PALM2AKAP2: variants seen among roughly 807,000 people sequenced by gnomAD.
The protein encoded by PALM2AKAP2 is PALM2 and AKAP2 fusion.
Under a neutral mutation model 71.5 loss-of-function variants are expected in PALM2AKAP2, and 37 were observed. That is an observed-to-expected ratio of 0.52 (90% CI 0.40 to 0.68). The LOEUF (loss-of-function observed/expected upper bound fraction) is 0.68, where lower values mean the gene tolerates loss of function less well. Among genes scored for constraint, PALM2AKAP2 ranks in the 30% least tolerant of loss-of-function variants. The pLI is 0.00. For synonymous variants in PALM2AKAP2, 468 were observed against 478.8 expected, an observed-to-expected ratio of 0.98 and a Z score of 0.29; for missense variants, 1,224 against 1,191.8, an observed-to-expected ratio of 1.03 and a Z score of -0.40.
At chr9:109,789,937 A>T (rs1291948340) in intron 1 of PALM2AKAP2, among the ~76,000 whole-genome samples, 1 of 152,232 alleles carries the variant, frequency 6.6e-6, no homozygotes, top group African/African-American at 2.4e-5. Context: ...AGACAAGACT[A>T]CACCCTATTT....
rs149001768 is a variant in PALM2AKAP2, at chr9:110,110,774, C to T, written c.157-25353C>T. Among the ~76,000 whole-genome samples, 228 of 151,856 alleles carry T rather than the reference C, an allele frequency of 1.5e-3. 2 individuals are homozygous for T. Among genetic ancestry groups the T allele is most frequent in the Middle Eastern group, 0.014 (4 of 294 alleles). ...GTTGGCAAGGCTAGTCTCAAACTCCCGCCCTCAAATGATCCACCTGCCCCA... is the reference window on the plus strand; with the variant it reads ...GTTGGCAAGGCTAGTCTCAAACTCCTGCCCTCAAATGATCCACCTGCCCCA... On this transcript the variant is annotated intron_variant, in intron 1 of 3. Coordinates refer to ENST00000374525, the Ensembl canonical transcript of PALM2AKAP2.
intron 1 of PALM2AKAP2, among the ~76,000 whole-genome samples, chr9:110,135,330 C>CA (rs1835837407): frequency 5.4e-5 from 3 of 55,258 alleles, no homozygotes; most frequent in Non-Finnish European, 7.3e-5. Flanking sequence ...AAAAAGCCCT[C>CA]AAGACAAAAA....
At chr9:109,920,569 G>A (rs908386441) in intron 3 of PALM2AKAP2, among the ~76,000 whole-genome samples, 10 of 151,850 alleles carry the variant, frequency 6.6e-5, no homozygotes, top group Admixed American at 3.3e-4. Flanking sequence ...TAGTAGAGAC[G>A]GGCTTTCACC....
chr9:109,784,302 T>G (rs1826904592), intron 1 of PALM2AKAP2, among the ~76,000 whole-genome samples: 9 of 152,110 alleles, frequency 5.9e-5, no homozygotes, highest in Admixed American at 5.9e-4. Context: ...TATCCAGGAG[T>G]ACTATGAAAA....
intron 1 of PALM2AKAP2, among the ~76,000 whole-genome samples, chr9:110,092,305 C>G (rs1834732750): frequency 1.3e-5 from 2 of 152,090 alleles, no homozygotes; most frequent in African/African-American, 4.8e-5. Context: ...GCATTCCAGT[C>G]TGAGTGACAG....
intron 1 of PALM2AKAP2, among the ~76,000 whole-genome samples, chr9:109,697,424 G>A (rs562774698): frequency 6.6e-6 from 1 of 152,234 alleles, no homozygotes; most frequent in African/African-American, 2.4e-5. Flanking sequence ...GAAGAAGATA[G>A]AGTGAATTTT....
intron 1 of PALM2AKAP2, among the ~76,000 whole-genome samples, chr9:110,096,959 T>A (rs143096240): frequency 2.8e-5 from 4 of 145,156 alleles, no homozygotes; most frequent in Non-Finnish European, 6.0e-5. Flanking sequence ...TTTATTTATT[T>A]ATTATTTTTT....
intron 1 of PALM2AKAP2, among the ~76,000 whole-genome samples, chr9:110,053,429 G>C (rs985966894): frequency 1.3e-5 from 2 of 150,400 alleles, no homozygotes; most frequent in African/African-American, 2.4e-5. Flanking sequence ...TCGAGAGGCT[G>C]AGGTAGGAGA....
intron 6 of PALM2AKAP2, among the ~76,000 whole-genome samples, chr9:109,939,024 G>C (rs1831295115): frequency 6.6e-6 from 1 of 151,884 alleles, no homozygotes; most frequent in Non-Finnish European, 1.5e-5. Context: ...GTAAGACTCT[G>C]TCTCAAAATA....
At position 109,973,504 on chromosome 9, in the gene PALM2AKAP2, C is replaced by A. The variant is rs536119750; in HGVS notation, c.496+41476C>A. Among the ~76,000 whole-genome samples, 5 of 152,284 alleles carry A rather than the reference C, an allele frequency of 3.3e-5. No individual in the cohort carries two copies. The South Asian group carries it at 8.3e-4, about 25-fold the overall frequency. On this transcript the variant is annotated intron_variant, in intron 6 of 9. Coordinates refer to the PALM2AKAP2 transcript ENST00000302798. Reference sequence around the variant, plus strand: ...CTTAAAGTCATGCTTGGATGTGGCACGTGTAGCTTATATTCCATTGGCCAA... The same window carrying A: ...CTTAAAGTCATGCTTGGATGTGGCAAGTGTAGCTTATATTCCATTGGCCAA...
intron 6 of PALM2AKAP2, among the ~76,000 whole-genome samples, chr9:109,950,038 A>G (rs1033754763): frequency 3.3e-5 from 5 of 152,116 alleles, no homozygotes; most frequent in Admixed American, 6.5e-5. Context: ...TAATCCCAGC[A>G]CTTTGGGGGG....
At chr9:110,048,992 T>C (rs1833656952) in intron 1 of PALM2AKAP2, 1 of 1,169,902 alleles carries the variant, frequency 8.5e-7, no homozygotes, top group South Asian at 1.7e-5. Flanking sequence ...AAAGGGCTTT[T>C]TGTGGTCCTT....
intron 1 of PALM2AKAP2, among the ~76,000 whole-genome samples, chr9:110,079,071 C>T (rs1382431265): frequency 6.6e-6 from 1 of 152,172 alleles, no homozygotes; most frequent in Non-Finnish European, 1.5e-5. Flanking sequence ...TGATTATTCC[C>T]TATTAGCCTG....
intron 1 of PALM2AKAP2, among the ~76,000 whole-genome samples, chr9:109,755,381 G>A (rs991941825): frequency 7.9e-5 from 12 of 152,018 alleles, no homozygotes; most frequent in South Asian, 2.1e-4. Flanking sequence ...TTTCTGTAAT[G>A]TGTCCAGCTG....
At chr9:110,001,130 A>G (rs375126506) in intron 6 of PALM2AKAP2, among the ~76,000 whole-genome samples, 4 of 152,052 alleles carry the variant, frequency 2.6e-5, no homozygotes, top group East Asian at 1.9e-4. Context: ...TTTCTTCTAG[A>G]GTTTTTATGG....
chr9:110,028,067 G>C (rs1833214428), intron 7 of PALM2AKAP2, among the ~76,000 whole-genome samples: 1 of 152,126 alleles, frequency 6.6e-6, no homozygotes, highest in African/African-American at 2.4e-5. Context: ...ATCTCAGAGG[G>C]GGTTTGGCAT....
intron 6 of PALM2AKAP2, among the ~76,000 whole-genome samples, chr9:109,998,630 G>GC (rs1832619251): frequency 7.1e-6 from 1 of 141,050 alleles, no homozygotes; most frequent in African/African-American, 2.5e-5. Context: ...CCAGGGCGGG[G>GC]GAGTGGGGAG....
At chr9:109,926,281 T>A (rs1830954870) in intron 5 of PALM2AKAP2, among the ~76,000 whole-genome samples, 2 of 151,830 alleles carry the variant, frequency 1.3e-5, no homozygotes, top group Admixed American at 6.6e-5. Context: ...TGATTTTTAA[T>A]TTTTTTTTCC....
intron 2 of PALM2AKAP2, among the ~76,000 whole-genome samples, chr9:109,876,352 C>G (rs1453237845): frequency 6.6e-6 from 1 of 152,130 alleles, no homozygotes; most frequent in Non-Finnish European, 1.5e-5. Context: ...GGTGATTTCC[C>G]CTGAAAGCAT....
Sources: gnomAD v4.1 joint callset for allele counts (sites outside exome capture counted in the v4.1 genomes callset) on GRCh38, gnomAD v4.1.1 for gene constraint, MANE v1.5 for transcripts, NCBI Gene and HGNC (gene_info 2026-07-23, HGNC 2026-07-21) for gene names.